ALCAM: variants seen among roughly 807,000 people sequenced by gnomAD.
ALCAM encodes CD166 antigen.
Under a neutral mutation model 70.9 loss-of-function variants are expected in ALCAM, and 30 were observed. The observed-to-expected ratio is 0.42, with a 90% CI of 0.32 to 0.57. The LOEUF is 0.57. ALCAM is among the 20% of genes least tolerant of loss of function. The probability of loss-of-function intolerance (pLI) is 0.11; values close to 1 mark genes in which losing one functional copy is unlikely to be tolerated. For synonymous variants in ALCAM, 249 were observed against 242.5 expected (o/e 1.03, Z -0.25); for missense variants, 591 against 695.1 (o/e 0.85, Z 1.68).
At chr3:105,377,324 A>G (rs1576119479) in intron 1 of ALCAM, among the ~76,000 whole-genome samples, 1 of 152,118 alleles carries the variant, frequency 6.6e-6, no homozygotes, top group African/African-American at 2.4e-5. Flanking sequence ...TATTGTCCAT[A>G]TAAGCAATTG....
At chr3:105,410,918 T>C (rs1371009530) in intron 1 of ALCAM, among the ~76,000 whole-genome samples, 6 of 152,098 alleles carry the variant, frequency 3.9e-5, no homozygotes, top group African/African-American at 1.4e-4. Flanking sequence ...AGTGTAATTT[T>C]TCCCATTGTA....
intron 1 of ALCAM, among the ~76,000 whole-genome samples, chr3:105,384,635 G>T (rs1935603442): frequency 6.6e-6 from 1 of 151,338 alleles, no homozygotes; most frequent in Non-Finnish European, 1.5e-5. Flanking sequence ...AAAAATACTT[G>T]TCCAGATAAA....
chr3:105,513,034 C>T (rs922636690), intron 1 of ALCAM, among the ~76,000 whole-genome samples: 10 of 151,820 alleles, frequency 6.6e-5, no homozygotes, highest in Non-Finnish European at 1.3e-4. Flanking sequence ...TCTTTTTACA[C>T]ACAAAATCTA....
chr3:105,487,253 C>T (rs917712021), intron 1 of ALCAM, among the ~76,000 whole-genome samples: 1 of 152,036 alleles, frequency 6.6e-6, no homozygotes, highest in African/African-American at 2.4e-5. Flanking sequence ...CTCCCAGATC[C>T]TTATAGAGAG....
intron 1 of ALCAM, among the ~76,000 whole-genome samples, chr3:105,465,874 G>A (rs961269857): frequency 1.3e-5 from 2 of 151,188 alleles, no homozygotes; most frequent in East Asian, 3.9e-4. Context: ...CATTGCCAGA[G>A]GTAAATAGAT....
At chr3:105,541,535 T>C (rs1559827635) in intron 7 of ALCAM, 98 bp from the exon 8 acceptor site, 2 of 1,321,560 alleles carry the variant, frequency 1.5e-6, no homozygotes, top group Non-Finnish European at 2.1e-6. Context: ...ATTCCCTTTT[T>C]TATCTTACTT....
chr3:105,495,766 G>C, intron 1 of ALCAM, among the ~76,000 whole-genome samples: 1 of 152,126 alleles, frequency 6.6e-6, no homozygotes, highest in Non-Finnish European at 1.5e-5. Context: ...AAGAAGAACA[G>C]GTTGATGGTT....
At chr3:105,402,976 T>G (rs1936127760) in intron 1 of ALCAM, among the ~76,000 whole-genome samples, 1 of 145,860 alleles carries the variant, frequency 6.9e-6, no homozygotes, top group Non-Finnish European at 1.5e-5. Context: ...AATGGAGTTT[T>G]GCTCTTGTTG....
chr3:105,512,218 G>C (rs1011528216), intron 1 of ALCAM, among the ~76,000 whole-genome samples: 6 of 151,860 alleles, frequency 4.0e-5, no homozygotes, highest in Admixed American at 1.3e-4. Context: ...TAAACTATTT[G>C]CAGAAAACAA....
At chr3:105,449,242 T>C (rs891060206) in intron 1 of ALCAM, among the ~76,000 whole-genome samples, 19 of 152,210 alleles carry the variant, frequency 1.2e-4, no homozygotes, top group African/African-American at 4.3e-4. Flanking sequence ...TATTGTATGG[T>C]CTGCTTGGCT....
At chr3:105,471,382 A>C (rs1199645870) in intron 1 of ALCAM, among the ~76,000 whole-genome samples, 2 of 151,380 alleles carry the variant, frequency 1.3e-5, no homozygotes, top group Non-Finnish European at 3.0e-5. Context: ...AAAAATCCTG[A>C]TTATTATCCC....
At chr3:105,524,212 G>A (rs1939630932) in intron 2 of ALCAM, 77 bp from the exon 3 acceptor site, 1 of 1,246,116 alleles carries the variant, frequency 8.0e-7, no homozygotes, top group African/African-American at 1.5e-5. Context: ...ATATGGCCAA[G>A]GAAATGTTAT....
chr3:105,424,614 G>A (rs1576154402), intron 1 of ALCAM, among the ~76,000 whole-genome samples: 1 of 151,692 alleles, frequency 6.6e-6, no homozygotes, highest in East Asian at 2.0e-4. Context: ...ATTTGCTGAG[G>A]TTGACATTTG....
At chr3:105,552,216 C>A in intron 13 of ALCAM, 34 bp downstream of exon 13, 2 of 1,563,836 alleles carry the variant, frequency 1.3e-6, no homozygotes, top group Non-Finnish European at 1.7e-6. Flanking sequence ...TCTTCCTTGA[C>A]TATCAGCTCA....
intron 1 of ALCAM, among the ~76,000 whole-genome samples, chr3:105,396,921 T>G (rs1195381936): frequency 6.6e-6 from 1 of 152,106 alleles, no homozygotes. Context: ...GTTAACTATC[T>G]GTGGACTTTT....
chr3:105,395,613 T>A (rs1935931112), intron 1 of ALCAM, among the ~76,000 whole-genome samples: 1 of 152,014 alleles, frequency 6.6e-6, no homozygotes, highest in Admixed American at 6.6e-5. Context: ...TTATTTAGGA[T>A]ATCTTATTGC....
At chr3:105,392,531 T>C (rs1290827812) in intron 1 of ALCAM, among the ~76,000 whole-genome samples, 2 of 151,760 alleles carry the variant, frequency 1.3e-5, no homozygotes, top group African/African-American at 4.8e-5. Context: ...AAATAGCTCG[T>C]AGATTCATTG....
rs749625480 is a variant in ALCAM, at chr3:105,563,667, C to CTT, written c.1665-8155_1665-8154dup. On this transcript the variant is annotated intron_variant, in intron 14 of 15. Transcript: ENST00000306107. ...GACCTGTATGAAATTCCAAGCATTT[C>CTT]TTTTTTTTTTTTTTTTTTTTTTTTT... 1.4e-3 allele frequency among the ~76,000 whole-genome samples: 74 copies of CTT among 52,042 alleles called. 15 individuals carry two copies. The highest frequency in any genetic ancestry group is 6.0e-3 in the African/African-American group (59 of 9,892). 34.1% of individuals were successfully genotyped at this position (52,042 alleles called of 152,430 possible). A position where few individuals can be genotyped will look rare whatever the true frequency, so the allele number is the denominator to read the frequency against.
At chr3:105,535,691 C>A (rs1939952088) in intron 6 of ALCAM, among the ~76,000 whole-genome samples, 1 of 151,918 alleles carries the variant, frequency 6.6e-6, no homozygotes, top group South Asian at 2.1e-4. Context: ...ATTATATGGT[C>A]ATTATCACAA....
Sources: gnomAD v4.1 joint callset for allele counts (sites outside exome capture counted in the v4.1 genomes callset) on GRCh38, gnomAD v4.1.1 for gene constraint, MANE v1.5 for transcripts, NCBI Gene and HGNC (gene_info 2026-07-23, HGNC 2026-07-21) for gene names.